Variants in LINGO3 observed in about 807,000 individuals in gnomAD.
LINGO3 encodes leucine rich repeat and Ig domain containing 3, also known as leucine-rich repeat and immunoglobulin-like domain-containing nogo receptor-interacting protein 3.
For synonymous variants in LINGO3, 427 were observed against 444.2 expected, an observed-to-expected ratio of 0.96 and a Z score of 0.49; for missense variants, 750 against 867.7, an observed-to-expected ratio of 0.86 and a Z score of 1.70.
chr19:2,292,399 CAAAAAA>C (rs1156254881), upstream of LINGO3, among the ~76,000 whole-genome samples: 21 of 42,600 alleles, frequency 4.9e-4, no homozygotes, highest in African/African-American at 1.5e-3. Flanking sequence ...AACCCTGTCT[CAAAAAA>C]AAAAAAAAAA....
At chr19:2,298,790 C>T in the LINGO3 span, among the ~76,000 whole-genome samples, 65 of 152,216 alleles carry the variant, frequency 4.3e-4, no homozygotes, top group Middle Eastern at 3.4e-3. Flanking sequence ...CCGCCCACCT[C>T]GGCCTCTCAA....
At chr19:2,307,807 G>A in the LINGO3 span, among the ~76,000 whole-genome samples, 1 of 152,134 alleles carries the variant, frequency 6.6e-6, no homozygotes, top group African/African-American at 2.4e-5. Flanking sequence ...AGTGCCCCGG[G>A]GAGATGCCCA....
downstream of LINGO3, among the ~76,000 whole-genome samples, chr19:2,289,201 C>T (rs1485902780): frequency 5.5e-5 from 8 of 146,568 alleles, no homozygotes; most frequent in Non-Finnish European, 1.0e-4. Flanking sequence ...CTGTGTGTCC[C>T]GGGTGTGAGC....
exon 1 of LINGO3, chr19:2,291,996 G>T: frequency 1.8e-6 from 1 of 563,722 alleles, no homozygotes; most frequent in Non-Finnish European, 3.3e-6. Context: ...AGACCAGCCT[G>T]CACAACATAG....
exon 1 of LINGO3, chr19:2,291,332 G>T (rs376258534): frequency 6.2e-7 from 1 of 1,613,166 alleles, no homozygotes; most frequent in Non-Finnish European, 8.5e-7. Flanking sequence ...AGGCTGTGCA[G>T]GTCCTGGAAA....
At chr19:2,302,698 G>A in the LINGO3 span, among the ~76,000 whole-genome samples, 5 of 152,250 alleles carry the variant, frequency 3.3e-5, no homozygotes, top group African/African-American at 7.2e-5. Flanking sequence ...CCCCTGTGGA[G>A]GGAGGACTCG....
At chr19:2,289,962 GGGGGA>G in exon 1 of LINGO3, 7 of 1,452,546 alleles carry the variant, frequency 4.8e-6, no homozygotes, top group East Asian at 2.6e-5. Flanking sequence ...GCCGGCCCGC[GGGGGA>G]GGGGAGGGGA....
the LINGO3 span, among the ~76,000 whole-genome samples, chr19:2,299,715 T>C: frequency 1.5e-5 from 2 of 136,470 alleles, no homozygotes; most frequent in East Asian, 2.2e-4. Context: ...TGAGCCACTG[T>C]GCCCTGCCTT....
At chr19:2,291,157 T>A in exon 1 of LINGO3, 1 of 1,606,974 alleles carries the variant, frequency 6.2e-7, no homozygotes, top group Non-Finnish European at 8.5e-7. Context: ...GATGGCCAGG[T>A]GGCGCAGCCG....
chr19:2,305,432 C>T, the LINGO3 span, among the ~76,000 whole-genome samples: 2 of 152,016 alleles, frequency 1.3e-5, no homozygotes, highest in Non-Finnish European at 2.9e-5. Context: ...GGGGTCCCTC[C>T]CTAGAACAGA....
the LINGO3 span, among the ~76,000 whole-genome samples, chr19:2,302,558 C>T: frequency 1.3e-5 from 2 of 152,320 alleles, no homozygotes; most frequent in South Asian, 4.1e-4. Context: ...TCCTGCCTCC[C>T]CTCCCCAGCA....
chr19:2,301,691 G>T, the LINGO3 span, among the ~76,000 whole-genome samples: 1 of 152,092 alleles, frequency 6.6e-6, no homozygotes, highest in Admixed American at 6.6e-5. Context: ...ACTTTGGGAG[G>T]CCGAGGAGGG....
chr19:2,301,598 T>C, the LINGO3 span, among the ~76,000 whole-genome samples: 1 of 151,978 alleles, frequency 6.6e-6, no homozygotes, highest in African/African-American at 2.4e-5. Context: ...GACGGCGACG[T>C]GCTCAGGGCC....
chr19:2,303,524 C>A, the LINGO3 span, among the ~76,000 whole-genome samples: 1 of 152,148 alleles, frequency 6.6e-6, no homozygotes, highest in Admixed American at 6.5e-5. Flanking sequence ...CCCTAGCTGG[C>A]AACGGCAAAA....
chr19:2,301,859 T>C, the LINGO3 span, among the ~76,000 whole-genome samples: 2 of 132,292 alleles, frequency 1.5e-5, no homozygotes. Context: ...ACCCGGAAGG[T>C]GGAGGTTGCA....
At chr19:2,297,073 C>T in the LINGO3 span, among the ~76,000 whole-genome samples, 1 of 151,130 alleles carries the variant, frequency 6.6e-6, no homozygotes, top group Non-Finnish European at 1.5e-5. Flanking sequence ...ACCTGGGCGA[C>T]AGAGCGAGAC....
At chr19:2,303,440 C>T in the LINGO3 span, among the ~76,000 whole-genome samples, 1 of 151,846 alleles carries the variant, frequency 6.6e-6, no homozygotes, top group South Asian at 2.1e-4. Flanking sequence ...GGATGGGGAG[C>T]CGGGGTCAGC....
chr19:2,287,566 C>T (rs1030634048), downstream of LINGO3, among the ~76,000 whole-genome samples: 1 of 152,222 alleles, frequency 6.6e-6, no homozygotes, highest in African/African-American at 2.4e-5. The surrounding 1 kb of genome is among the most constrained non-coding windows in gnomAD (Gnocchi z 4.5). Flanking sequence ...TCAGGGAGAA[C>T]GGGCTGTTGT....
chr19:2,305,692 C>A, the LINGO3 span, among the ~76,000 whole-genome samples: 1 of 152,296 alleles, frequency 6.6e-6, no homozygotes, highest in Admixed American at 6.5e-5. Context: ...AGTGTGGTAG[C>A]GGTCCCCTCT....
Sources: allele counts gnomAD v4.1 joint callset (sites outside exome capture counted in the v4.1 genomes callset), GRCh38; gene constraint gnomAD v4.1.1; non-coding constraint Gnocchi (gnomAD v3.1); transcripts MANE v1.5; gene names NCBI Gene and HGNC (gene_info 2026-07-23, HGNC 2026-07-21).